Variants in FANCI observed in about 807,000 individuals in gnomAD.
FANCI encodes the protein FA complementation group I.
FANCI carries 156 observed loss-of-function variants against 176.1 expected under a neutral mutation model. That is an observed-to-expected ratio of 0.89 (90% CI 0.78 to 1.01). The LOEUF (loss-of-function observed/expected upper bound fraction) is 1.01, where lower values mean the gene tolerates loss of function less well. FANCI is among the 50% of genes least tolerant of loss of function. The pLI, the probability that FANCI is intolerant of heterozygous loss-of-function variation, is 0.00. For synonymous variants in FANCI, 613 were observed against 541.7 expected, an observed-to-expected ratio of 1.13 and a Z score of -1.83; for missense variants, 1,678 against 1,534.1, an observed-to-expected ratio of 1.09 and a Z score of -1.57.
downstream of FANCI, chr15:89,317,220 C>A: frequency 1.4e-6 from 1 of 689,854 alleles, no homozygotes; most frequent in South Asian, 1.7e-5. Flanking sequence ...CACATTCACT[C>A]TGGACACAGG....
At chr15:89,313,446 T>C (rs1229740578) in intron 35 of FANCI, among the ~76,000 whole-genome samples, 9 of 152,294 alleles carry the variant, frequency 5.9e-5, no homozygotes, top group Admixed American at 4.6e-4. Context: ...CCAGAAAATC[T>C]TGAGTTGAAA....
At chr15:89,311,929 G>A (rs2054980573) in intron 34 of FANCI, among the ~76,000 whole-genome samples, 1 of 152,138 alleles carries the variant, frequency 6.6e-6, no homozygotes, top group Admixed American at 6.5e-5. Context: ...CCTGACTCAA[G>A]TCTTGATTTT....
intron 16 of FANCI, chr15:89,282,123 G>C (rs566547481): frequency 4.0e-5 from 16 of 401,682 alleles, no homozygotes; most frequent in South Asian, 3.5e-4. Flanking sequence ...ACAGTAGTTG[G>C]TGGTGGAGCA....
At chr15:89,307,757 G>C (rs1244109302) in intron 34 of FANCI, 85 bp downstream of exon 34, 8 of 1,609,576 alleles carry the variant, frequency 5.0e-6, no homozygotes, top group Non-Finnish European at 8.5e-7. Flanking sequence ...CCTGAACTGA[G>C]CATATATAAA....
chr15:89,252,459 T>A (rs552179347), intron 2 of FANCI, among the ~76,000 whole-genome samples: 32 of 151,924 alleles, frequency 2.1e-4, no homozygotes, highest in Admixed American at 1.9e-3. Flanking sequence ...CATTCATACA[T>A]AATAGCCAGT....
chr15:89,251,739 C>T (rs2052261046), intron 2 of FANCI, among the ~76,000 whole-genome samples: 2 of 152,156 alleles, frequency 1.3e-5, no homozygotes, highest in Admixed American at 1.3e-4. Context: ...ATACGATTAT[C>T]TTCATGGATC....
At chr15:89,273,556 T>C (rs1330899955) in intron 11 of FANCI, 87 bp downstream of exon 11, 2 of 853,796 alleles carry the variant, frequency 2.3e-6, no homozygotes, top group African/African-American at 3.4e-5. Context: ...CTGTTTTTGT[T>C]GTATCCGTTC....
chr15:89,245,633 C>G (rs1287674360), intron 1 of FANCI: 2 of 151,960 alleles, frequency 1.3e-5, no homozygotes, highest in Non-Finnish European at 2.9e-5. Context: ...GTGGAAGGGC[C>G]TGTGGCAGAA....
intron 10 of FANCI, among the ~76,000 whole-genome samples, chr15:89,268,852 G>T (rs533538845): frequency 6.6e-6 from 1 of 152,204 alleles, no homozygotes; most frequent in South Asian, 2.1e-4. Flanking sequence ...CTAATTCTAA[G>T]TAGATTATGT....
At chr15:89,267,407 AAGT>A (rs1213104373) in intron 9 of FANCI, among the ~76,000 whole-genome samples, 1 of 151,630 alleles carries the variant, frequency 6.6e-6, no homozygotes, top group Middle Eastern at 3.4e-3. Flanking sequence ...TTCAAGAAAG[AAGT>A]AGTTAATTGT....
At chr15:89,262,669 A>G (rs1247071700) in intron 6 of FANCI, among the ~76,000 whole-genome samples, 1 of 152,226 alleles carries the variant, frequency 6.6e-6, no homozygotes, top group Non-Finnish European at 1.5e-5. Flanking sequence ...CATTTTAAGC[A>G]TGTATTTGTC....
chr15:89,257,321 G>A (rs1466226593), intron 2 of FANCI, among the ~76,000 whole-genome samples: 1 of 152,128 alleles, frequency 6.6e-6, no homozygotes, highest in Non-Finnish European at 1.5e-5. Flanking sequence ...GCCTGTATTA[G>A]TGTGCTAGGG....
intron 37 of FANCI, 188 bp from the exon 38 acceptor site, chr15:89,316,209 A>G (rs2055247524): frequency 1.6e-6 from 1 of 644,084 alleles, no homozygotes. Context: ...CTGTCTTATT[A>G]CTCTACACTT....
At position 89,261,975 on chromosome 15, in the gene FANCI, T is replaced by G. The variant is rs2052729671; in HGVS notation, c.503+97T>G. On this transcript the variant is annotated intron_variant, in intron 6 of 37. Transcript: ENST00000310775. ...ATTTATGTCTGGAGGTTTTAAGTCCTTCTTTTTTGTTGTTTTTAATATAAC... is the reference window on the plus strand; with the variant it reads ...ATTTATGTCTGGAGGTTTTAAGTCCGTCTTTTTTGTTGTTTTTAATATAAC... The G allele has an allele frequency of 2.9e-6, 3 of 1,051,508 alleles. No homozygotes were observed. The Admixed American group carries it at 5.8e-5, about 20-fold the overall frequency. The allele number at this position is 1,051,508 out of a possible 1,614,324, so 65.1% of individuals were successfully genotyped here.
intron 25 of FANCI, 44 bp downstream of exon 25, chr15:89,300,010 C>A (rs750168681): frequency 6.2e-7 from 1 of 1,604,078 alleles, no homozygotes; most frequent in South Asian, 1.1e-5. Flanking sequence ...TTAGGTTTCT[C>A]CTTAGCTCAA....
intron 8 of FANCI, among the ~76,000 whole-genome samples, chr15:89,264,313 C>T (rs2151302290): frequency 6.6e-6 from 1 of 152,298 alleles, no homozygotes; most frequent in East Asian, 1.9e-4. Context: ...AAAGGGTAGA[C>T]TATAGGCCCC....
chr15:89,292,791 A>G lies in FANCI; in HGVS notation c.2096A>G (p.Tyr699Cys), dbSNP rs774148630. The G allele has an allele frequency of 1.9e-6, 3 of 1,613,960 alleles. No homozygotes were observed. Among genetic ancestry groups the G allele is most frequent in the African/African-American group, 1.3e-5 (1 of 74,922 alleles). Residue 699 changes from tyrosine to cysteine, a missense_variant, in exon 21 of 38, where the codon TAC (tyrosine) becomes TGC (cysteine). Physicochemically the swap from Tyr to Cys is radical, Grantham distance 194. Around this residue, in one of 3 missense-constraint regions of FANCI, gnomAD observed 1,204 missense variants for 1,077.4 expected, o/e 1.12. Coordinates refer to ENST00000310775, the MANE Select transcript of FANCI (RefSeq NM_001113378.2). ...GAAGAGGAGGAGGAAGAGGCATTCT[A>G]CGAAGACCTAGATGATATATTGGAG... ...EEEEEEEEAF[Y>C]EDLDDILESI...
chr15:89,311,167 G>C (rs371492827), intron 34 of FANCI, among the ~76,000 whole-genome samples: 3 of 152,080 alleles, frequency 2.0e-5, no homozygotes, highest in African/African-American at 7.3e-5. Flanking sequence ...GCTGAGGCAG[G>C]AGAATTGCTT....
intron 27 of FANCI, among the ~76,000 whole-genome samples, chr15:89,302,312 C>T (rs1421618585): frequency 1.3e-5 from 2 of 152,098 alleles, no homozygotes; most frequent in African/African-American, 4.8e-5. Context: ...GTTACTTCAT[C>T]CCAGTTCCAA....
Sources: gnomAD v4.1 joint callset for allele counts (sites outside exome capture counted in the v4.1 genomes callset) on GRCh38, gnomAD v4.1.1 for gene constraint, gnomAD v4.1.1 regional missense constraint, MANE v1.5 for transcripts, NCBI Gene and HGNC (gene_info 2026-07-23, HGNC 2026-07-21) for gene names.